KCNJ3: variants seen among roughly 807,000 people sequenced by gnomAD.
KCNJ3 encodes the protein G protein-activated inward rectifier potassium channel 1.
A neutral mutation model predicts 39.2 loss-of-function variants in KCNJ3; 4 were observed. That is an observed-to-expected ratio of 0.10 (90% CI 0.05 to 0.23). The LOEUF is 0.23. Among genes scored for constraint, KCNJ3 ranks in the 10% least tolerant of loss-of-function variants. The probability of loss-of-function intolerance (pLI) is 1.00; values close to 1 mark genes in which losing one functional copy is unlikely to be tolerated. For missense variants in KCNJ3, 276 were observed against 634.9 expected (o/e 0.43, Z 6.08); for synonymous variants, 230 against 237.4 (o/e 0.97, Z 0.29).
chr2:154,765,369 T>C (rs879775245), intron 2 of KCNJ3, among the ~76,000 whole-genome samples: 2 of 152,206 alleles, frequency 1.3e-5, no homozygotes, highest in Non-Finnish European at 2.9e-5. Flanking sequence ...GTGGCACTTA[T>C]TACCAGTTTC....
chr2:154,777,121 AGCAAATCCAGCCT>A (rs1320272538), intron 2 of KCNJ3, among the ~76,000 whole-genome samples: 1 of 152,204 alleles, frequency 6.6e-6, no homozygotes, highest in East Asian at 1.9e-4. Context: ...GGATCAAAAT[AGCAAATCCAGCCT>A]GCAAATATCT....
chr2:154,732,771 A>G (rs1160043286), intron 2 of KCNJ3, among the ~76,000 whole-genome samples: 8 of 152,130 alleles, frequency 5.3e-5, no homozygotes, highest in Non-Finnish European at 1.2e-4. Flanking sequence ...TCCAATGTGT[A>G]GCTTTGGGCC....
chr2:154,808,990 T>C (rs1174832729), intron 2 of KCNJ3, among the ~76,000 whole-genome samples: 1 of 152,170 alleles, frequency 6.6e-6, no homozygotes, highest in Non-Finnish European at 1.5e-5. Flanking sequence ...AAAAGTTGTA[T>C]CATTGTCAGA....
At chr2:154,736,706 G>A (rs911138612) in intron 2 of KCNJ3, among the ~76,000 whole-genome samples, 6 of 152,138 alleles carry the variant, frequency 3.9e-5, no homozygotes, top group Non-Finnish European at 8.8e-5. Flanking sequence ...CAAAGATGGA[G>A]TAACAGGGAC....
chr2:154,777,234 T>G (rs1464614278), intron 2 of KCNJ3, among the ~76,000 whole-genome samples: 1 of 152,248 alleles, frequency 6.6e-6, no homozygotes, highest in African/African-American at 2.4e-5. Context: ...TGCATTGCAA[T>G]AGGCCTCATT....
At chr2:154,713,965 T>C (rs1156695949) in intron 2 of KCNJ3, among the ~76,000 whole-genome samples, 1 of 152,210 alleles carries the variant, frequency 6.6e-6, no homozygotes, top group South Asian at 2.1e-4. Flanking sequence ...TGCCTTGGCA[T>C]GTCATCTCTC....
chr2:154,802,462 A>G (rs1686835999), intron 2 of KCNJ3, among the ~76,000 whole-genome samples: 1 of 151,986 alleles, frequency 6.6e-6, no homozygotes, highest in Admixed American at 6.6e-5. Context: ...GTATATTTTC[A>G]TAGTGTTTTT....
chr2:154,724,609 A>G (rs1364028077), intron 2 of KCNJ3, among the ~76,000 whole-genome samples: 1 of 151,932 alleles, frequency 6.6e-6, no homozygotes, highest in Non-Finnish European at 1.5e-5. Flanking sequence ...ACATATTTCA[A>G]TTCCTGGAAC....
At chr2:154,744,559 T>C (rs1431600492) in intron 2 of KCNJ3, among the ~76,000 whole-genome samples, 1 of 151,804 alleles carries the variant, frequency 6.6e-6, no homozygotes, top group African/African-American at 2.4e-5. Context: ...GGTAGTACAT[T>C]TTTTTAAGGA....
At chr2:154,724,929 A>G (rs1685327027) in intron 2 of KCNJ3, among the ~76,000 whole-genome samples, 1 of 146,680 alleles carries the variant, frequency 6.8e-6, no homozygotes, top group Non-Finnish European at 1.5e-5. Flanking sequence ...ATATATATAT[A>G]TATATATACC....
intron 2 of KCNJ3, among the ~76,000 whole-genome samples, chr2:154,745,969 G>T (rs1685734438): frequency 6.6e-6 from 1 of 151,720 alleles, no homozygotes; most frequent in Admixed American, 6.6e-5. Flanking sequence ...TTCCCTGTCT[G>T]GGAGGTGTAG....
chr2:154,721,007 GT>G (rs145695011), intron 2 of KCNJ3, among the ~76,000 whole-genome samples: 29 of 148,244 alleles, frequency 2.0e-4, no homozygotes, highest in Admixed American at 9.4e-4. Context: ...GTGTTATCTA[GT>G]TTTTTTTTTC....
chr2:154,736,840 C>G (rs1424065496), intron 2 of KCNJ3, among the ~76,000 whole-genome samples: 1 of 149,266 alleles, frequency 6.7e-6, no homozygotes, highest in African/African-American at 2.5e-5. Context: ...TGAGGTAAGA[C>G]CTAAAACTGC....
intron 2 of KCNJ3, among the ~76,000 whole-genome samples, chr2:154,792,520 G>A (rs532596045): frequency 6.6e-6 from 1 of 152,192 alleles, no homozygotes; most frequent in Admixed American, 6.6e-5. Flanking sequence ...TTATACAGTT[G>A]TTGCAGTGTG....
At chr2:154,722,065 A>G (rs1574434736) in intron 2 of KCNJ3, among the ~76,000 whole-genome samples, 1 of 152,174 alleles carries the variant, frequency 6.6e-6, no homozygotes, top group East Asian at 1.9e-4. Context: ...AGCTAACTAG[A>G]GAGGGAGGCA....
At chr2:154,805,254 TTTC>T (rs1686889572) in intron 2 of KCNJ3, among the ~76,000 whole-genome samples, 1 of 152,124 alleles carries the variant, frequency 6.6e-6, no homozygotes, top group Non-Finnish European at 1.5e-5. Context: ...GGCAAGATAA[TTTC>T]TTCTTGTGCT....
At chr2:154,760,829 C>A (rs766886291) in intron 2 of KCNJ3, among the ~76,000 whole-genome samples, 2 of 149,650 alleles carry the variant, frequency 1.3e-5, no homozygotes, top group African/African-American at 4.9e-5. Flanking sequence ...TTCCGCCTCC[C>A]GGGTTCATGC....
At chr2:154,713,014 A>C (rs1039427460) in intron 2 of KCNJ3, among the ~76,000 whole-genome samples, 1 of 151,968 alleles carries the variant, frequency 6.6e-6, no homozygotes, top group Admixed American at 6.6e-5. Flanking sequence ...GGAACTAAAA[A>C]AAAGGTGGAG....
chr2:154,762,854 A>G (rs1301418474), intron 2 of KCNJ3, among the ~76,000 whole-genome samples: 1 of 152,190 alleles, frequency 6.6e-6, no homozygotes. Context: ...TCAGGTGGTT[A>G]GAGGGCTGGG....
Sources: allele counts gnomAD v4.1 joint callset (sites outside exome capture counted in the v4.1 genomes callset), GRCh38; gene constraint gnomAD v4.1.1; transcripts MANE v1.5; gene names NCBI Gene and HGNC (gene_info 2026-07-23, HGNC 2026-07-21).